Variants in GTF3C1 observed in about 807,000 individuals in gnomAD.
GTF3C1 encodes general transcription factor 3C polypeptide 1.
Under a neutral mutation model 226.7 loss-of-function variants are expected in GTF3C1, and 57 were observed. The observed-to-expected ratio is 0.25, with a 90% CI of 0.20 to 0.31. The LOEUF is 0.31. Among genes scored for constraint, GTF3C1 ranks in the 10% least tolerant of loss-of-function variants. The pLI, the probability that GTF3C1 is intolerant of heterozygous loss-of-function variation, is 1.00. For synonymous variants in GTF3C1, 1,090 were observed against 1,084.8 expected (o/e 1.00, Z -0.09); for missense variants, 2,217 against 2,776.1 (o/e 0.80, Z 4.53).
Position 27,498,665 on chromosome 16 carries a change from G to T in GTF3C1, c.2130C>A (p.Val710=), listed in dbSNP as rs764596550. Residue 710 remains valine, a synonymous_variant, in exon 13 of 37, where the codon GTC becomes GTA. Coordinates refer to ENST00000356183, the MANE Select transcript of GTF3C1 (RefSeq NM_001520.4). Reference sequence around the variant, plus strand: ...TGCTTGAATTGGAGATCCGGAAGCGGACCTGCTCGATGGCACTTCTCACTA... The same window carrying T: ...TGCTTGAATTGGAGATCCGGAAGCGTACCTGCTCGATGGCACTTCTCACTA... ...DPLVRSAIEQ[V]RFRISNSSTA... 2 of 1,605,006 alleles carry T rather than the reference G, an allele frequency of 1.2e-6. No individual in the cohort carries two copies. Among genetic ancestry groups the T allele is most frequent in the Non-Finnish European group, 1.7e-6 (2 of 1,171,652 alleles).
chr16:27,497,761 T>C lies in GTF3C1; in HGVS notation c.2226A>G (p.Lys742=). The C allele has an allele frequency of 1.2e-6, 2 of 1,613,870 alleles. No individual in the cohort carries two copies. Among genetic ancestry groups the C allele is most frequent in the South Asian group, 2.2e-5 (2 of 91,070 alleles). The change falls in exon 14 of 37, where the codon AAA becomes AAG. Residue 742 remains lysine, a synonymous_variant. Transcript: ENST00000356183. ...AGTCCCCTGATCCACTTGGGCCCTC[T>C]TTTCCTTGACTGTCTTCTTCTGCCT... is the stretch of plus-strand genomic sequence containing the variant. The part of the protein sequence containing the change: ...QGEAEEDSQG[K]EGPSGSGDSQ...
At position 27,463,011 on chromosome 16, in the gene GTF3C1, C is replaced by T. The variant is rs979621262; in HGVS notation, c.5925-525G>A. The T allele has an allele frequency of 5.8e-6, 1 of 172,536 alleles. No homozygotes were observed. Among genetic ancestry groups the T allele is most frequent in the African/African-American group, 2.4e-5 (1 of 41,988 alleles). 10.7% of individuals were successfully genotyped at this position (172,536 alleles called of 1,614,324 possible). A position where few individuals can be genotyped will look rare whatever the true frequency, so the allele number is the denominator to read the frequency against. The stretch of plus-strand genomic sequence containing the variant: ...CAGGCTCTCATCGCTATGGCTGGGC[C>T]TTGGAGGGGGCACACCTGAGCTCTT... On this transcript the variant is annotated intron_variant, in intron 35 of 36. Coordinates refer to ENST00000356183, the MANE Select transcript of GTF3C1 (RefSeq NM_001520.4). This position sits in a 1 kb window ranked among gnomAD's most constrained non-coding sequence, Gnocchi z 4.9.
Position 27,464,855 on chromosome 16 carries a change from C to G in GTF3C1, c.5356-19G>C. ...GGAGGGCCTGGGGAGGCAGGAGACACGCGGGGTCTGTGGGGAGCTCGGGAT... is the reference window on the plus strand; with the variant it reads ...GGAGGGCCTGGGGAGGCAGGAGACAGGCGGGGTCTGTGGGGAGCTCGGGAT... On this transcript the variant is annotated intron_variant, in intron 33 of 36. Coordinates refer to ENST00000356183, the MANE Select transcript of GTF3C1 (RefSeq NM_001520.4). The G allele has an allele frequency of 6.7e-7, 1 of 1,497,230 alleles. No homozygotes were observed. The highest frequency in any genetic ancestry group is 8.8e-7 in the Non-Finnish European group (1 of 1,132,042). The allele number at this position is 1,497,230 out of a possible 1,614,324, so 92.7% of individuals were successfully genotyped here. A position where few individuals can be genotyped will look rare whatever the true frequency, so the allele number is the denominator to read the frequency against.
Position 27,462,242 on chromosome 16 carries a change from T to C in GTF3C1, c.6117+52A>G. On this transcript the variant is annotated intron_variant, in intron 36 of 36. Coordinates refer to ENST00000356183, the MANE Select transcript of GTF3C1 (RefSeq NM_001520.4). This position sits in a 1 kb window ranked among gnomAD's most constrained non-coding sequence, Gnocchi z 4.5. Reference sequence around the variant, plus strand: ...GGCCTGAACATCACAGCCGGGCCACTGAGTGCACCCAGCCGCCTCCACACC... The same window carrying C: ...GGCCTGAACATCACAGCCGGGCCACCGAGTGCACCCAGCCGCCTCCACACC... 7.5e-7 allele frequency: 1 copy of C among 1,341,738 alleles called. No homozygotes were observed. The highest frequency in any genetic ancestry group is 1.0e-6 in the Non-Finnish European group (1 of 973,158). The allele number at this position is 1,341,738 out of a possible 1,614,324, so 83.1% of individuals were successfully genotyped here. A position where few individuals can be genotyped will look rare whatever the true frequency, so the allele number is the denominator to read the frequency against.
Position 27,470,750 on chromosome 16 carries a change from C to T in GTF3C1, c.4527-355G>A, listed in dbSNP as rs1019567019. On this transcript the variant is annotated intron_variant, in intron 30 of 36. Coordinates refer to ENST00000356183, the MANE Select transcript of GTF3C1 (RefSeq NM_001520.4). The surrounding 1 kb of genome is among the most constrained non-coding windows in gnomAD (Gnocchi z 4.9). ...TGAACACGCTTTCTGTAATAATAGT[C>T]TCCGCACAAAGCCAGCCCTGGTCTT... is the stretch of plus-strand genomic sequence containing the variant. 15 of 264,266 alleles carry T rather than the reference C, an allele frequency of 5.7e-5. No individual in the cohort carries two copies. The highest frequency in any genetic ancestry group is 5.5e-4 in the Admixed American group (11 of 19,882). The allele number at this position is 264,266 out of a possible 1,614,324, so 16.4% of individuals were successfully genotyped here. A position where few individuals can be genotyped will look rare whatever the true frequency, so the allele number is the denominator to read the frequency against.
chr16:27,545,117 T>A (rs1315069622), intron 2 of GTF3C1, among the ~76,000 whole-genome samples, 197 bp downstream of exon 2: 1 of 152,116 alleles, frequency 6.6e-6, no homozygotes, highest in Non-Finnish European at 1.5e-5. Flanking sequence ...GCTGGGATTA[T>A]GGGCATGTGC....
intron 6 of GTF3C1, among the ~76,000 whole-genome samples, chr16:27,518,946 T>C (rs375786214): frequency 6.6e-6 from 1 of 152,230 alleles, no homozygotes. Flanking sequence ...AATTAGGCAC[T>C]CAACGCATGC....
At chr16:27,518,707 T>TTG (rs1463110325) in intron 6 of GTF3C1, among the ~76,000 whole-genome samples, 2 of 151,888 alleles carry the variant, frequency 1.3e-5, no homozygotes, top group Admixed American at 1.3e-4. Flanking sequence ...CTACAAAAGG[T>TTG]TGTGTGTGTG....
At position 27,481,209 on chromosome 16, in the gene GTF3C1, T is replaced by C. The variant is rs2141364548; in HGVS notation, c.4084-18A>G. 6.2e-7 allele frequency: 1 copy of C among 1,605,816 alleles called. No homozygotes were observed. The highest frequency in any genetic ancestry group is 1.3e-5 in the African/African-American group (1 of 74,824). On this transcript the variant is annotated intron_variant, in intron 26 of 36. Transcript: ENST00000356183. Reference sequence around the variant, plus strand: ...GCACAAACCTTTCAACATGAGAGCATGAGAGGTTAAGCCCTTACTCTTCCT... The same window carrying C: ...GCACAAACCTTTCAACATGAGAGCACGAGAGGTTAAGCCCTTACTCTTCCT...
chr16:27,495,362 A>G lies in GTF3C1; in HGVS notation c.2481T>C (p.Ser827=), dbSNP rs746525514. The G allele has an allele frequency of 1.9e-6, 3 of 1,614,138 alleles. No homozygotes were observed. The highest frequency in any genetic ancestry group is 8.5e-7 in the Non-Finnish European group (1 of 1,180,002). ...SNTVEKPSFI[S]ERRTIKQESG... ...ACTCCTGCTTTATCGTTCTCCGTTCACTGATGAAGCTTGGCTTCTCCACGG... is the reference window on the plus strand; with the variant it reads ...ACTCCTGCTTTATCGTTCTCCGTTCGCTGATGAAGCTTGGCTTCTCCACGG... Residue 827 remains serine, a synonymous_variant, in exon 15 of 37, where the codon AGT becomes AGC. Coordinates refer to ENST00000356183, the MANE Select transcript of GTF3C1 (RefSeq NM_001520.4).
chr16:27,516,863 C>T (rs1318374052), intron 6 of GTF3C1, among the ~76,000 whole-genome samples: 4 of 152,158 alleles, frequency 2.6e-5, no homozygotes, highest in Admixed American at 2.0e-4. Context: ...GAACTTCTGG[C>T]CTCAAGTGAC....
At chr16:27,466,508 A>G (rs9938472) in intron 32 of GTF3C1, among the ~76,000 whole-genome samples, 152,298 of 152,298 alleles carry the variant, frequency 1, 76,149 homozygotes, top group Non-Finnish European at 1. Flanking sequence ...CTATTCCTGA[A>G]ACACAACAAT....
chr16:27,465,543 G>A lies in GTF3C1; in HGVS notation c.5075-3C>T. On this transcript the variant is annotated splice_polypyrimidine_tract_variant and splice_region_variant and intron_variant, in intron 32 of 36. Coordinates refer to ENST00000356183, the MANE Select transcript of GTF3C1 (RefSeq NM_001520.4). ...TGTTAGCTCTTCCAGAGGAGCGGCT[G>A]TGGGGACACAGAGGAAGATCAGAGG... 1 of 1,594,548 alleles carries A rather than the reference G, an allele frequency of 6.3e-7. No homozygotes were observed. Among genetic ancestry groups the A allele is most frequent in the East Asian group, 2.2e-5 (1 of 44,728 alleles).
intron 6 of GTF3C1, among the ~76,000 whole-genome samples, chr16:27,516,465 C>T (rs1403004309): frequency 2.0e-5 from 3 of 152,212 alleles, no homozygotes; most frequent in African/African-American, 7.2e-5. Flanking sequence ...TGCGGCTCTG[C>T]CTGCCCCACA....
chr16:27,475,742 C>T (rs1373318119), intron 29 of GTF3C1, among the ~76,000 whole-genome samples: 1 of 152,150 alleles, frequency 6.6e-6, no homozygotes, highest in African/African-American at 2.4e-5. Flanking sequence ...CCTGTGTCCT[C>T]GGGAGACAGA....
intron 1 of GTF3C1, among the ~76,000 whole-genome samples, chr16:27,547,103 G>C (rs555512812): frequency 1.1e-4 from 16 of 152,160 alleles, no homozygotes; most frequent in African/African-American, 3.4e-4. Flanking sequence ...ACTCTGACCT[G>C]ACTGTCCTCT....
intron 5 of GTF3C1, among the ~76,000 whole-genome samples, chr16:27,529,772 G>A (rs1360338130): frequency 1.3e-5 from 2 of 152,200 alleles, no homozygotes; most frequent in African/African-American, 4.8e-5. Context: ...GCCTTGATCA[G>A]CTGCTCTTCA....
At chr16:27,472,293 A>G (rs1821581803) in intron 29 of GTF3C1, among the ~76,000 whole-genome samples, 1 of 152,114 alleles carries the variant, frequency 6.6e-6, no homozygotes. Context: ...ACCCAGCCAA[A>G]AGCACGTCAG....
intron 34 of GTF3C1, chr16:27,464,040 C>T (rs2087744454): frequency 9.0e-6 from 4 of 446,146 alleles, no homozygotes; most frequent in Non-Finnish European, 1.6e-5. Context: ...CACTGCCCCA[C>T]AGCAGCCGCT....
Sources: gnomAD v4.1 joint callset for allele counts (sites outside exome capture counted in the v4.1 genomes callset) on GRCh38, gnomAD v4.1.1 for gene constraint, Gnocchi (gnomAD v3.1) non-coding constraint, MANE v1.5 for transcripts, NCBI Gene and HGNC (gene_info 2026-07-23, HGNC 2026-07-21) for gene names.